Variants in PHKB observed in about 807,000 individuals in gnomAD.
The protein encoded by PHKB is phosphorylase b kinase regulatory subunit beta.
Under a neutral mutation model 152.1 loss-of-function variants are expected in PHKB, and 122 were observed. The ratio of observed to expected loss-of-function variants is 0.80; its 90% confidence interval spans 0.69 to 0.93. The LOEUF (loss-of-function observed/expected upper bound fraction) is 0.93, where lower values mean the gene tolerates loss of function less well. Ranked by LOEUF, PHKB falls within the 40% of genes least tolerant of loss-of-function variation. The pLI, the probability that PHKB is intolerant of heterozygous loss-of-function variation, is 0.00. For missense variants in PHKB, 1,304 were observed against 1,328.4 expected, an observed-to-expected ratio of 0.98 and a Z score of 0.29; for synonymous variants, 436 against 464.9, an observed-to-expected ratio of 0.94 and a Z score of 0.80.
chr16:47,560,852 T>C (rs1035063048), intron 7 of PHKB, among the ~76,000 whole-genome samples: 53 of 152,278 alleles, frequency 3.5e-4, no homozygotes, highest in Non-Finnish European at 6.2e-4. Context: ...TTTATATCAA[T>C]TGAAAAGTAA....
chr16:47,465,460 C>G (rs1466039287), intron 1 of PHKB, among the ~76,000 whole-genome samples: 1 of 152,192 alleles, frequency 6.6e-6, no homozygotes, highest in African/African-American at 2.4e-5. Flanking sequence ...AGACGCTTTT[C>G]CTGTACTGTA....
In PHKB at chr16:47,461,374, G is replaced by C; in HGVS notation, c.24G>C (p.Thr8=). 1 of 1,612,398 alleles carries C rather than the reference G, an allele frequency of 6.2e-7. No individual in the cohort carries two copies. The highest frequency in any genetic ancestry group is 8.5e-7 in the Non-Finnish European group (1 of 1,179,676). ...CGATGGCGGGGGCGGCGGGACTCAC[G>C]GCAGAAGTGAGCTGGAAGGTCTTGG... MAGAAGL[T]AEVSWKVLER... The change falls in exon 1 of 31, where the codon ACG becomes ACC. Residue 8 remains threonine, a synonymous_variant. Transcript: ENST00000323584.
At chr16:47,650,145 C>T (rs1245415966) in intron 18 of PHKB, among the ~76,000 whole-genome samples, 1 of 152,132 alleles carries the variant, frequency 6.6e-6, no homozygotes, top group Non-Finnish European at 1.5e-5. Flanking sequence ...AGTGCATTGG[C>T]TCATACCTGT....
intron 6 of PHKB, among the ~76,000 whole-genome samples, chr16:47,543,512 C>G (rs1206022053): frequency 6.6e-6 from 1 of 152,146 alleles, no homozygotes; most frequent in Non-Finnish European, 1.5e-5. Context: ...ATGCTGGCCT[C>G]ATAAAATGAG....
At chr16:47,659,674 G>A (rs1029023368) in intron 20 of PHKB, among the ~76,000 whole-genome samples, 1 of 152,154 alleles carries the variant, frequency 6.6e-6, no homozygotes, top group African/African-American at 2.4e-5. Flanking sequence ...ATGCCAGAAT[G>A]CAGAGAAGCA....
At chr16:47,618,469 T>C (rs1264344319) in intron 14 of PHKB, among the ~76,000 whole-genome samples, 1 of 152,188 alleles carries the variant, frequency 6.6e-6, no homozygotes, top group Admixed American at 6.5e-5. Flanking sequence ...CAATGTTTCT[T>C]CAGATCTTAG....
chr16:47,484,190 C>T (rs1202086220), intron 1 of PHKB, among the ~76,000 whole-genome samples: 2 of 152,084 alleles, frequency 1.3e-5, no homozygotes, highest in African/African-American at 4.8e-5. Flanking sequence ...TTTTATAGGC[C>T]ATGTTCTTTC....
intron 14 of PHKB, among the ~76,000 whole-genome samples, chr16:47,638,673 C>A (rs78601812): frequency 1.4e-3 from 213 of 152,346 alleles, no homozygotes; most frequent in African/African-American, 5.0e-3. Context: ...GAAAACTTAT[C>A]TGTTATCCAT....
At chr16:47,597,177 T>G (rs1320050296) in intron 13 of PHKB, among the ~76,000 whole-genome samples, 3 of 152,148 alleles carry the variant, frequency 2.0e-5, no homozygotes, top group Non-Finnish European at 4.4e-5. Context: ...GGCTATCACT[T>G]TAGAGTCAGA....
intron 6 of PHKB, among the ~76,000 whole-genome samples, chr16:47,528,122 G>A (rs941542752): frequency 1.3e-5 from 2 of 152,086 alleles, no homozygotes; most frequent in African/African-American, 4.8e-5. Context: ...TGTTATTTTT[G>A]TTGCCTCCAA....
chr16:47,667,341 A>G (rs768272788), intron 25 of PHKB, among the ~76,000 whole-genome samples: 37 of 152,280 alleles, frequency 2.4e-4, no homozygotes, highest in Middle Eastern at 3.4e-3. Context: ...AAGCTGAGGT[A>G]GGAGGATTGC....
intron 3 of PHKB, 69 bp from the exon 4 acceptor site, chr16:47,502,922 T>A: frequency 1.0e-6 from 1 of 961,358 alleles, no homozygotes; most frequent in African/African-American, 1.6e-5. Flanking sequence ...AAATACTTAA[T>A]TATCAAAAGC....
intron 20 of PHKB, among the ~76,000 whole-genome samples, chr16:47,656,421 A>G (rs1279044103): frequency 6.6e-6 from 1 of 152,238 alleles, no homozygotes; most frequent in African/African-American, 2.4e-5. Flanking sequence ...GCAAAATGTA[A>G]GTACATAACT....
At chr16:47,609,906 T>C (rs1972395387) in intron 13 of PHKB, among the ~76,000 whole-genome samples, 1 of 152,110 alleles carries the variant, frequency 6.6e-6, no homozygotes. Flanking sequence ...CTATACTGTT[T>C]CATTAATTTC....
At chr16:47,474,145 A>G (rs956503951) in intron 1 of PHKB, among the ~76,000 whole-genome samples, 2 of 152,106 alleles carry the variant, frequency 1.3e-5, no homozygotes, top group South Asian at 2.1e-4. Flanking sequence ...GATATATGTC[A>G]TATATGCTCT....
rs143998477 is a variant in PHKB at position 47,493,229 on chromosome 16, G to C, written c.77-4170G>C. Among the ~76,000 whole-genome samples the C allele has an allele frequency of 4.9e-4, 75 of 152,300 alleles. No individual in the cohort carries two copies. The East Asian group carries it at 0.011, about 22-fold the overall frequency. ...GAGGCCAGTACACCAGGAGCAGGAG[G>C]GGGGAAGGGAAGAGCAGTTAGAATA... On this transcript the variant is annotated intron_variant, in intron 1 of 30. Transcript: ENST00000323584.
chr16:47,591,310 GT>G lies in PHKB; in HGVS notation c.1069-2189del, dbSNP rs528965591. Among the ~76,000 whole-genome samples, 26 of 152,114 alleles carry G rather than the reference GT, an allele frequency of 1.7e-4. No homozygotes were observed. In the East Asian group the frequency reaches 5.0e-3, roughly 29 times the overall value. On this transcript the variant is annotated intron_variant, in intron 10 of 30. Transcript: ENST00000323584. ...CTGAAAAGCATGGCCTCTACTTGGT[GT>G]CTCCTTGTTTACATCCCGCTTACTC...
At chr16:47,607,730 C>T (rs894328252) in intron 13 of PHKB, among the ~76,000 whole-genome samples, 2 of 152,146 alleles carry the variant, frequency 1.3e-5, no homozygotes, top group African/African-American at 4.8e-5. Context: ...CTAAGTCTTA[C>T]GTTTAACATT....
chr16:47,637,455 C>A (rs951163965), intron 14 of PHKB, among the ~76,000 whole-genome samples: 1 of 152,140 alleles, frequency 6.6e-6, no homozygotes, highest in Non-Finnish European at 1.5e-5. Flanking sequence ...GGAACGAGCC[C>A]AGTAGGTGTG....
Sources: gnomAD v4.1 joint callset for allele counts (sites outside exome capture counted in the v4.1 genomes callset) on GRCh38, gnomAD v4.1.1 for gene constraint, MANE v1.5 for transcripts, NCBI Gene and HGNC (gene_info 2026-07-23, HGNC 2026-07-21) for gene names.